XPNPEP1: variants seen among roughly 807,000 people sequenced by gnomAD.
The protein encoded by XPNPEP1 is X-prolyl aminopeptidase 1.
A neutral mutation model predicts 92.4 loss-of-function variants in XPNPEP1; 39 were observed. That is an observed-to-expected ratio of 0.42 (90% confidence interval 0.33 to 0.55). The LOEUF is 0.55. Ranked by LOEUF, XPNPEP1 falls within the 20% of genes least tolerant of loss-of-function variation. The probability of loss-of-function intolerance (pLI) is 0.08; values close to 1 mark genes in which losing one functional copy is unlikely to be tolerated. For missense variants in XPNPEP1, 654 were observed against 856.1 expected (o/e 0.76, Z 2.95); for synonymous variants, 307 against 299.4 (o/e 1.03, Z -0.26).
chr10:109,897,789 G>C (rs1185912384), intron 3 of XPNPEP1, among the ~76,000 whole-genome samples: 2 of 151,984 alleles, frequency 1.3e-5, no homozygotes, highest in Non-Finnish European at 2.9e-5. Flanking sequence ...AAGTAGCTGG[G>C]ATTACAGGCG....
Position 109,870,922 on chromosome 10 carries a change from C to A in XPNPEP1, c.1523-18G>T. 6.2e-7 allele frequency: 1 copy of A among 1,610,708 alleles called. No homozygotes were observed. Among genetic ancestry groups the A allele is most frequent in the Non-Finnish European group, 8.5e-7 (1 of 1,178,594 alleles). ...AAGGTGACCTGAAAGACATAAAGAG[C>A]CACTTAATTGTATTTGTACAGCGCT... On this transcript the variant is annotated intron_variant, in intron 17 of 20. Coordinates refer to ENST00000502935, the MANE Select transcript of XPNPEP1 (RefSeq NM_020383.4).
intron 20 of XPNPEP1, 71 bp downstream of exon 20, chr10:109,868,543 G>A (rs961161773): frequency 2.4e-6 from 3 of 1,260,426 alleles, no homozygotes; most frequent in Non-Finnish European, 2.3e-6. Context: ...TTTAGAGGAT[G>A]GATTAGAACT....
At chr10:109,874,199 T>C (rs1847645722) in intron 15 of XPNPEP1, among the ~76,000 whole-genome samples, 1 of 152,180 alleles carries the variant, frequency 6.6e-6, no homozygotes, top group Admixed American at 6.5e-5. Flanking sequence ...CTAAATAAAC[T>C]GGGAGTGACG....
intron 3 of XPNPEP1, among the ~76,000 whole-genome samples, chr10:109,904,780 G>A (rs1564784734): frequency 6.6e-6 from 1 of 152,192 alleles, no homozygotes; most frequent in Non-Finnish European, 1.5e-5. Context: ...GTGAGGAAGT[G>A]GAAGAACTGG....
intron 18 of XPNPEP1, 68 bp downstream of exon 18, chr10:109,870,663 C>A: frequency 6.6e-7 from 1 of 1,511,990 alleles, no homozygotes; most frequent in Non-Finnish European, 8.9e-7. Flanking sequence ...TTAAAAAATA[C>A]AAAACAACGA....
At chr10:109,889,992 T>C (rs2133438577) in intron 5 of XPNPEP1, among the ~76,000 whole-genome samples, 1 of 152,312 alleles carries the variant, frequency 6.6e-6, no homozygotes, top group Non-Finnish European at 1.5e-5. Context: ...GTACACTACA[T>C]AATATAACTT....
intron 12 of XPNPEP1, among the ~76,000 whole-genome samples, chr10:109,879,135 G>A (rs1309588919): frequency 6.6e-6 from 1 of 151,872 alleles, no homozygotes; most frequent in South Asian, 2.1e-4. Flanking sequence ...CCAGCTAGTC[G>A]GGAGGCTGAG....
intron 18 of XPNPEP1, 98 bp downstream of exon 18, chr10:109,870,633 G>T: frequency 1.4e-6 from 2 of 1,442,884 alleles, no homozygotes; most frequent in Non-Finnish European, 9.3e-7. Flanking sequence ...GAAAAGTATT[G>T]CCAATTTACT....
intron 3 of XPNPEP1, among the ~76,000 whole-genome samples, chr10:109,899,577 T>C (rs1291021244): frequency 6.6e-6 from 1 of 152,262 alleles, no homozygotes; most frequent in Non-Finnish European, 1.5e-5. Flanking sequence ...ATAAAATCAC[T>C]GTGGGATAAA....
At chr10:109,881,558 G>GGA (rs200401598) in intron 10 of XPNPEP1, among the ~76,000 whole-genome samples, 1 of 152,080 alleles carries the variant, frequency 6.6e-6, no homozygotes, top group Non-Finnish European at 1.5e-5. Context: ...CAGAGAGAGA[G>GGA]GAGAGAGAGA....
At chr10:109,920,071 C>T (rs1850453950) in intron 1 of XPNPEP1, among the ~76,000 whole-genome samples, 1 of 152,026 alleles carries the variant, frequency 6.6e-6, no homozygotes, top group Admixed American at 6.6e-5. Context: ...GAAATCACAC[C>T]TATGACATAG....
chr10:109,871,791 C>A lies in XPNPEP1; in HGVS notation c.1522+1G>T. ...GCCATGTGACAGAATGCACCACCTA[C>A]CTTTGGTTCCAGTCGGGAAAACGGC... On this transcript the variant is annotated splice_donor_variant, in intron 17 of 20. Transcript: ENST00000502935. LOFTEE classifies it high-confidence loss of function. 1 of 1,614,084 alleles carries A rather than the reference C, an allele frequency of 6.2e-7. No individual in the cohort carries two copies. The highest frequency in any genetic ancestry group is 8.5e-7 in the Non-Finnish European group (1 of 1,179,998).
chr10:109,871,247 C>T (rs1483302925), intron 17 of XPNPEP1, among the ~76,000 whole-genome samples: 1 of 152,072 alleles, frequency 6.6e-6, no homozygotes, highest in Admixed American at 6.5e-5. Flanking sequence ...TGCAAGCAGA[C>T]AGGCAGGCAT....
intron 15 of XPNPEP1, 50 bp from the exon 16 acceptor site, chr10:109,873,477 CA>C (rs1332794768): frequency 6.2e-7 from 1 of 1,610,572 alleles, no homozygotes; most frequent in South Asian, 1.1e-5. Context: ...AGCTTTAAGT[CA>C]AATATGACAC....
chr10:109,898,305 A>T (rs1384579626), intron 3 of XPNPEP1, among the ~76,000 whole-genome samples: 2 of 152,208 alleles, frequency 1.3e-5, no homozygotes, highest in Non-Finnish European at 2.9e-5. Flanking sequence ...GAACTGCAGC[A>T]CTTATTGCTA....
At position 109,884,426 on chromosome 10, in the gene XPNPEP1, C is replaced by T. The variant is rs1589573716; in HGVS notation, c.749-278G>A. On this transcript the variant is annotated intron_variant, in intron 8 of 20. Coordinates refer to ENST00000502935, the MANE Select transcript of XPNPEP1 (RefSeq NM_020383.4). ...TATTAGTTGAAATCCTGAGAACTGCCCCCACAAGGAGTTGAAATGATCCGC... is the reference window on the plus strand; with the variant it reads ...TATTAGTTGAAATCCTGAGAACTGCTCCCACAAGGAGTTGAAATGATCCGC... 1.4e-5 allele frequency: 5 copies of T among 363,562 alleles called. No individual in the cohort carries two copies. The East Asian group carries it at 2.7e-4, about 20-fold the overall frequency. The allele number at this position is 363,562 out of a possible 1,614,324, so 22.5% of individuals were successfully genotyped here. A position where few individuals can be genotyped will look rare whatever the true frequency, so the allele number is the denominator to read the frequency against.
intron 3 of XPNPEP1, among the ~76,000 whole-genome samples, chr10:109,895,662 G>A (rs562252413): frequency 4.1e-4 from 62 of 152,346 alleles, no homozygotes; most frequent in Middle Eastern, 3.4e-3. Flanking sequence ...GCCCAGGGGC[G>A]GTCTCCTTAG....
intron 6 of XPNPEP1, 79 bp from the exon 7 acceptor site, chr10:109,888,271 G>A (rs1258690214): frequency 2.6e-6 from 4 of 1,533,328 alleles, no homozygotes; most frequent in African/African-American, 1.4e-5. Context: ...TGAAAGTCCA[G>A]AACCTTCAGA....
intron 2 of XPNPEP1, among the ~76,000 whole-genome samples, chr10:109,908,868 G>C (rs1023263183): frequency 6.6e-6 from 1 of 152,130 alleles, no homozygotes; most frequent in Admixed American, 6.5e-5. Context: ...AGAAAGTTCC[G>C]TCCACTAGGA....
Sources: allele counts gnomAD v4.1 joint callset (sites outside exome capture counted in the v4.1 genomes callset), GRCh38; gene constraint gnomAD v4.1.1; transcripts MANE v1.5; gene names NCBI Gene and HGNC (gene_info 2026-07-23, HGNC 2026-07-21).